BTBD9: variants seen among roughly 807,000 people sequenced by gnomAD.
The protein encoded by BTBD9 is BTB domain containing 9.
BTBD9 carries 49 observed loss-of-function variants against 64.3 expected under a neutral mutation model. The observed-to-expected ratio is 0.76, with a 90% CI of 0.61 to 0.97. BTBD9 has a LOEUF of 0.97. Ranked by LOEUF, BTBD9 falls within the 50% of genes least tolerant of loss-of-function variation. BTBD9 has a pLI of 0.00. For missense variants in BTBD9, 598 were observed against 762.1 expected, an observed-to-expected ratio of 0.78 and a Z score of 2.53; for synonymous variants, 260 against 274.7, an observed-to-expected ratio of 0.95 and a Z score of 0.53.
chr6:38,562,344 T>C (rs900861625), intron 6 of BTBD9, among the ~76,000 whole-genome samples: 4 of 152,200 alleles, frequency 2.6e-5, no homozygotes, highest in African/African-American at 4.8e-5. Context: ...AAAAAGTACA[T>C]GCATTTCTAG....
At chr6:38,569,298 G>A (rs963533973) in intron 6 of BTBD9, among the ~76,000 whole-genome samples, 1 of 152,148 alleles carries the variant, frequency 6.6e-6, no homozygotes, top group African/African-American at 2.4e-5. Context: ...CTACAATATA[G>A]CACGTGTTCA....
At chr6:38,307,503 C>A (rs572319360) in intron 7 of BTBD9, among the ~76,000 whole-genome samples, 1 of 152,246 alleles carries the variant, frequency 6.6e-6, no homozygotes, top group African/African-American at 2.4e-5. Flanking sequence ...TCTGAACACA[C>A]TTCCAGAGAA....
At chr6:38,483,468 T>C (rs1262139651) in intron 6 of BTBD9, among the ~76,000 whole-genome samples, 3 of 152,000 alleles carry the variant, frequency 2.0e-5, no homozygotes, top group African/African-American at 7.3e-5. Context: ...CTATAGTCCA[T>C]TCTCACACTA....
chr6:38,396,897 C>CTTTTTTTTTTTTT (rs146597621), intron 6 of BTBD9, among the ~76,000 whole-genome samples: 38 of 107,366 alleles, frequency 3.5e-4, no homozygotes, highest in East Asian at 9.0e-4. Context: ...TTTTCTTTTT[C>CTTTTTTTTTTTTT]TTTTTTTTTT....
At chr6:38,422,843 T>G (rs1056080362) in intron 6 of BTBD9, among the ~76,000 whole-genome samples, 1 of 152,138 alleles carries the variant, frequency 6.6e-6, no homozygotes, top group African/African-American at 2.4e-5. Flanking sequence ...CTCACACTTG[T>G]AATCTCAGCA....
rs1355294188 is a variant in BTBD9 at position 38,171,861 on chromosome 6, AAAAAAAAAAAAAAAAAAAAAAT to A, written c.*3102_*3123del. 15 of 79,608 alleles carry A rather than the reference AAAAAAAAAAAAAAAAAAAAAAT, an allele frequency of 1.9e-4. No individual in the cohort carries two copies. The highest frequency in any genetic ancestry group is 6.4e-4 in the African/African-American group (13 of 20,294). 4.9% of individuals were successfully genotyped at this position (79,608 alleles called of 1,614,324 possible). ...TTTCTACTCTCAAAAAAAAAAAAAA[AAAAAAAAAAAAAAAAAAAAAAT>A]AATAATAATAATAATAATAATAATA... On this transcript the variant is annotated 3_prime_UTR_variant, in exon 11 of 11. Coordinates refer to ENST00000481247, the MANE Select transcript of BTBD9 (RefSeq NM_001099272.2).
chr6:38,417,801 A>AGAGAGAGAGAGAGAGAGGGAGAG (rs56268245), intron 6 of BTBD9, among the ~76,000 whole-genome samples: 1 of 136,948 alleles, frequency 7.3e-6, no homozygotes, highest in African/African-American at 3.1e-5. Context: ...AGAGAGAGAG[A>AGAGAGAGAGAGAGAGAGGGAGAG]AAAAAAATAT....
chr6:38,211,445 A>AAT (rs1762832190), intron 9 of BTBD9, among the ~76,000 whole-genome samples: 1 of 148,524 alleles, frequency 6.7e-6, no homozygotes, highest in Non-Finnish European at 1.5e-5. Context: ...GAAAAAAAAA[A>AAT]AAAAAATTCA....
chr6:38,304,232 A>G (rs1054444072), intron 7 of BTBD9, among the ~76,000 whole-genome samples: 1 of 151,938 alleles, frequency 6.6e-6, no homozygotes, highest in East Asian at 1.9e-4. Context: ...AATCAACTCT[A>G]CTATCTAATT....
intron 6 of BTBD9, among the ~76,000 whole-genome samples, chr6:38,385,202 T>C (rs913104352): frequency 6.7e-6 from 1 of 149,552 alleles, no homozygotes; most frequent in Admixed American, 6.7e-5. Context: ...ACTTTTTTTT[T>C]TTCTTTTGAG....
chr6:38,259,338 T>TA (rs1198915175), intron 8 of BTBD9, among the ~76,000 whole-genome samples: 1 of 152,236 alleles, frequency 6.6e-6, no homozygotes, highest in Non-Finnish European at 1.5e-5. Context: ...GTATCACATA[T>TA]AAAGCTATTA....
rs573729305 is a variant in BTBD9 at position 38,225,537 on chromosome 6, C to T, written c.1562+30872G>A. 1.8e-4 allele frequency among the ~76,000 whole-genome samples: 28 copies of T among 152,304 alleles called. No individual in the cohort carries two copies. The South Asian group carries it at 5.0e-3, about 27-fold the overall frequency. On this transcript the variant is annotated intron_variant, in intron 9 of 10. Transcript: ENST00000481247. ...TAAAAAACTGTTAATATGTGCCAGG[C>T]ATTTTATAGGTGCTAAGAATGTAGA...
intron 1 of BTBD9, among the ~76,000 whole-genome samples, chr6:38,627,046 A>G (rs1465616010): frequency 6.6e-6 from 1 of 152,262 alleles, no homozygotes; most frequent in Non-Finnish European, 1.5e-5. Flanking sequence ...ACCAGTAAAG[A>G]GAGCAAAGAA....
chr6:38,240,291 T>C (rs1044835450), intron 9 of BTBD9, among the ~76,000 whole-genome samples: 2 of 152,212 alleles, frequency 1.3e-5, no homozygotes, highest in African/African-American at 4.8e-5. Flanking sequence ...ATGCCTCTAT[T>C]TGCATTGGGA....
chr6:38,437,264 C>T (rs991325147), intron 6 of BTBD9, among the ~76,000 whole-genome samples: 3 of 152,046 alleles, frequency 2.0e-5, no homozygotes, highest in African/African-American at 4.8e-5. Flanking sequence ...CTCAGGGTAG[C>T]GAAGGGAGGG....
At chr6:38,195,563 A>G (rs1032221707) in intron 9 of BTBD9, among the ~76,000 whole-genome samples, 2 of 152,136 alleles carry the variant, frequency 1.3e-5, no homozygotes, top group African/African-American at 4.8e-5. Context: ...TGATGTCCCA[A>G]CCCCATACTG....
chr6:38,576,676 T>C (rs1305893681), intron 6 of BTBD9, among the ~76,000 whole-genome samples: 2 of 152,162 alleles, frequency 1.3e-5, no homozygotes, highest in African/African-American at 2.4e-5. Flanking sequence ...CTCCACATTC[T>C]CCATGGTGTA....
intron 8 of BTBD9, among the ~76,000 whole-genome samples, chr6:38,271,063 A>T (rs1003114826): frequency 6.6e-5 from 10 of 152,216 alleles, no homozygotes; most frequent in African/African-American, 2.4e-4. Flanking sequence ...GCACTTTTAT[A>T]AAGTATCCAT....
chr6:38,399,078 A>C (rs1247040995), intron 6 of BTBD9, among the ~76,000 whole-genome samples: 1 of 152,198 alleles, frequency 6.6e-6, no homozygotes, highest in Non-Finnish European at 1.5e-5. Flanking sequence ...GGTGAGAAAA[A>C]TTTGCAAACA....
Sources: allele counts gnomAD v4.1 joint callset (sites outside exome capture counted in the v4.1 genomes callset), GRCh38; gene constraint gnomAD v4.1.1; transcripts MANE v1.5; gene names NCBI Gene and HGNC (gene_info 2026-07-23, HGNC 2026-07-21).